The following HMGN3 variants were observed in gnomAD, a reference collection of about 807,000 sequenced individuals.
The protein encoded by HMGN3 is high mobility group nucleosomal binding domain 3.
Under a neutral mutation model 18.8 loss-of-function variants are expected in HMGN3, and 6 were observed. That is an observed-to-expected ratio of 0.32 (90% confidence interval 0.18 to 0.63). HMGN3 has a LOEUF of 0.63. HMGN3 is among the 30% of genes least tolerant of loss of function. The pLI is 0.79. For missense variants in HMGN3, 107 were observed against 114.2 expected, an observed-to-expected ratio of 0.94 and a Z score of 0.29; for synonymous variants, 40 against 36.5, an observed-to-expected ratio of 1.10 and a Z score of -0.35.
chr6:79,216,267 G>C (rs1776978303), intron 1 of HMGN3, among the ~76,000 whole-genome samples: 2 of 152,118 alleles, frequency 1.3e-5, no homozygotes, highest in South Asian at 4.1e-4. Context: ...AGCAACTCAT[G>C]TATCAGTAAA....
chr6:79,226,538 T>G (rs570887160), intron 1 of HMGN3, among the ~76,000 whole-genome samples: 1 of 152,360 alleles, frequency 6.6e-6, no homozygotes, highest in South Asian at 2.1e-4. Flanking sequence ...TATATACTTC[T>G]CTCGCATTTA....
chr6:79,232,115 G>A (rs1562007495), intron 1 of HMGN3, among the ~76,000 whole-genome samples: 1 of 152,220 alleles, frequency 6.6e-6, no homozygotes, highest in Non-Finnish European at 1.5e-5. Flanking sequence ...TTATTATATT[G>A]TAGAGCAGAC....
At chr6:79,226,740 G>A (rs1045985237) in intron 1 of HMGN3, among the ~76,000 whole-genome samples, 13 of 151,958 alleles carry the variant, frequency 8.6e-5, no homozygotes, top group African/African-American at 2.9e-4. Context: ...AGCCAATTTC[G>A]AAGTTTAAAA....
chr6:79,217,015 C>T (rs1231952346), intron 1 of HMGN3, among the ~76,000 whole-genome samples: 16 of 152,166 alleles, frequency 1.1e-4, no homozygotes, highest in African/African-American at 3.4e-4. Context: ...GGATTAGTGA[C>T]AGGCAATATG....
chr6:79,214,065 C>T (rs1776834047), intron 2 of HMGN3, among the ~76,000 whole-genome samples: 1 of 152,090 alleles, frequency 6.6e-6, no homozygotes, highest in South Asian at 2.1e-4. Context: ...AGTTTCTAGA[C>T]TTTTGGAGGT....
intron 1 of HMGN3, among the ~76,000 whole-genome samples, chr6:79,220,550 G>A (rs1050797045): frequency 5.3e-5 from 8 of 152,122 alleles, no homozygotes; most frequent in African/African-American, 1.9e-4. Context: ...GGGTTCAAGC[G>A]ATTCTCCTGC....
At position 79,225,385 on chromosome 6, in the gene HMGN3, G is replaced by A. The variant is rs113079287; in HGVS notation, c.15+9161C>T. ...TCTGAAATAAAACATTAGTCAACTG[G>A]TAATCTAGCACACCTAAATAAAAAT... On this transcript the variant is annotated intron_variant, in intron 1 of 5. Coordinates refer to ENST00000344726, the Ensembl canonical transcript of HMGN3. Among the ~76,000 whole-genome samples the A allele has an allele frequency of 1.9e-3, 290 of 152,204 alleles. 1 individual carries two copies. The Middle Eastern group carries it at 0.031, about 16-fold the overall frequency.
chr6:79,217,298 G>C (rs1039958132), intron 1 of HMGN3, among the ~76,000 whole-genome samples: 1 of 152,170 alleles, frequency 6.6e-6, no homozygotes, highest in African/African-American at 2.4e-5. Context: ...TGATACAATG[G>C]TATGAATGCA....
chr6:79,233,531 C>T (rs1777962737), intron 1 of HMGN3, among the ~76,000 whole-genome samples: 1 of 152,216 alleles, frequency 6.6e-6, no homozygotes, highest in Admixed American at 6.5e-5. Context: ...AACACTGAGG[C>T]TGGCGGTGGG....
intron 1 of HMGN3, among the ~76,000 whole-genome samples, chr6:79,227,837 T>C (rs2127839197): frequency 6.6e-6 from 1 of 152,348 alleles, no homozygotes; most frequent in Middle Eastern, 3.4e-3. Flanking sequence ...AAACAATTTA[T>C]TCATCAATTT....
chr6:79,220,850 C>T (rs762155592), intron 1 of HMGN3, among the ~76,000 whole-genome samples: 8 of 151,968 alleles, frequency 5.3e-5, no homozygotes, highest in Non-Finnish European at 1.2e-4. Context: ...ACAACAAATT[C>T]GTGATGATGG....
At chr6:79,201,696 C>T in exon 6 of HMGN3, 1 of 1,594,146 alleles carries the variant, frequency 6.3e-7, no homozygotes, top group Non-Finnish European at 8.6e-7. Context: ...ATTCATTCTC[C>T]CTCGTTATCT....
At chr6:79,202,431 C>T (rs779907745) in intron 4 of HMGN3, 42 bp from the exon 5 acceptor site, 10 of 1,468,166 alleles carry the variant, frequency 6.8e-6, no homozygotes, top group South Asian at 1.1e-5. Context: ...ATGTTAGACA[C>T]GGTGTGATGA....
chr6:79,215,300 A>C (rs1776918690), intron 1 of HMGN3, among the ~76,000 whole-genome samples: 1 of 152,234 alleles, frequency 6.6e-6, no homozygotes, highest in Non-Finnish European at 1.5e-5. Context: ...AGCGACTTTC[A>C]TTTATCTTTG....
chr6:79,204,460 G>A (rs1363556728), intron 3 of HMGN3, among the ~76,000 whole-genome samples: 1 of 152,194 alleles, frequency 6.6e-6, no homozygotes, highest in Non-Finnish European at 1.5e-5. Flanking sequence ...AGGGGCCTGA[G>A]ACCAGGTGGC....
chr6:79,226,043 A>C (rs1330625262), intron 1 of HMGN3, among the ~76,000 whole-genome samples: 1 of 152,256 alleles, frequency 6.6e-6, no homozygotes, highest in Non-Finnish European at 1.5e-5. Flanking sequence ...ATAAAAATAC[A>C]TGTGGTTATT....
At chr6:79,224,371 AG>A (rs1435510972) in intron 1 of HMGN3, among the ~76,000 whole-genome samples, 1 of 152,218 alleles carries the variant, frequency 6.6e-6, no homozygotes, top group African/African-American at 2.4e-5. Flanking sequence ...TTTAACCTGT[AG>A]CCCTAGCCAA....
At chr6:79,223,253 T>G (rs1777392552) in intron 1 of HMGN3, among the ~76,000 whole-genome samples, 1 of 152,158 alleles carries the variant, frequency 6.6e-6, no homozygotes, top group Non-Finnish European at 1.5e-5. Flanking sequence ...GGCTCAGGCC[T>G]ATAATCTTAG....
At chr6:79,231,866 G>A (rs1270704514) in intron 1 of HMGN3, among the ~76,000 whole-genome samples, 2 of 152,140 alleles carry the variant, frequency 1.3e-5, no homozygotes, top group Non-Finnish European at 2.9e-5. Flanking sequence ...GTTTTGTGCT[G>A]CTAGTCTTAT....
Sources: gnomAD v4.1 joint callset for allele counts (sites outside exome capture counted in the v4.1 genomes callset) on GRCh38, gnomAD v4.1.1 for gene constraint, MANE v1.5 for transcripts, NCBI Gene and HGNC (gene_info 2026-07-23, HGNC 2026-07-21) for gene names.